Variants in LOXHD1 observed in about 807,000 individuals in gnomAD.
The protein encoded by LOXHD1 is lipoxygenase homology domain-containing protein 1.
Under a neutral mutation model 248.2 loss-of-function variants are expected in LOXHD1, and 205 were observed. The ratio of observed to expected loss-of-function variants is 0.83; its 90% CI spans 0.74 to 0.93. The LOEUF (loss-of-function observed/expected upper bound fraction) is 0.93. Among genes scored for constraint, LOXHD1 ranks in the 40% least tolerant of loss-of-function variants. LOXHD1 has a pLI of 0.00. For missense variants in LOXHD1, 2,930 were observed against 2,971.6 expected (o/e 0.99, Z 0.33); for synonymous variants, 1,113 against 1,162.8 (o/e 0.96, Z 0.87).
Position 46,538,344 on chromosome 18 carries a change from G to T in LOXHD1, c.3914-7C>A. On this transcript the variant is annotated splice_polypyrimidine_tract_variant and splice_region_variant and intron_variant, in intron 25 of 40. Transcript: ENST00000642948. ...GTGATCTCGTAAGGAACAACTGAGGGTGGTGGTCAGAGGGCAAAGCCAGAG... is the reference window on the plus strand; with the variant it reads ...GTGATCTCGTAAGGAACAACTGAGGTTGGTGGTCAGAGGGCAAAGCCAGAG... 6.5e-7 allele frequency: 1 copy of T among 1,543,012 alleles called. No homozygotes were observed. The highest frequency in any genetic ancestry group is 8.8e-7 in the Non-Finnish European group (1 of 1,139,570).
At chr18:46,636,367 G>T (rs947016185) in intron 4 of LOXHD1, among the ~76,000 whole-genome samples, 2 of 152,240 alleles carry the variant, frequency 1.3e-5, no homozygotes, top group Admixed American at 6.5e-5. Context: ...TACAGGTAGG[G>T]CAGGCTCCCT....
At position 46,629,343 on chromosome 18, in the gene LOXHD1, C is replaced by T. The variant is rs118140728; in HGVS notation, c.511+10273G>A. Among the ~76,000 whole-genome samples the T allele has an allele frequency of 4.2e-3, 633 of 152,318 alleles. 4 individuals carry two copies. Among genetic ancestry groups the T allele is most frequent in the Non-Finnish European group, 8.1e-3 (549 of 68,036 alleles). On this transcript the variant is annotated intron_variant, in intron 4 of 40. Coordinates refer to ENST00000642948, the MANE Select transcript of LOXHD1 (RefSeq NM_001384474.1). ...GATTTAATTACTCTACGATAATATC[C>T]TATAGAATCTGGGAATAAGTCAGTG...
intron 1 of LOXHD1, among the ~76,000 whole-genome samples, chr18:46,649,685 C>G (rs1396118891): frequency 6.6e-6 from 1 of 152,154 alleles, no homozygotes; most frequent in Non-Finnish European, 1.5e-5. Context: ...CAGCCCTCAC[C>G]TCCCATGACC....
intron 2 of LOXHD1, among the ~76,000 whole-genome samples, chr18:46,647,540 T>C (rs934032392): frequency 2.6e-5 from 4 of 152,310 alleles, no homozygotes; most frequent in Admixed American, 2.0e-4. Context: ...AGCAGTGCAC[T>C]CTGGGAACAC....
chr18:46,553,679 T>TA (rs2037200407), intron 21 of LOXHD1, among the ~76,000 whole-genome samples: 1 of 152,212 alleles, frequency 6.6e-6, no homozygotes, highest in South Asian at 2.1e-4. Context: ...ACATGGAACT[T>TA]ACATTCTATT....
chr18:46,504,303 G>A (rs1000855516), intron 37 of LOXHD1, among the ~76,000 whole-genome samples: 6 of 152,148 alleles, frequency 3.9e-5, no homozygotes, highest in Admixed American at 1.3e-4. Context: ...ATGGAGTTTC[G>A]CCATGTTGCC....
In LOXHD1 at chr18:46,479,519, C is replaced by T. The variant is rs749910021; in HGVS notation, c.6342-1567G>A. On this transcript the variant is annotated intron_variant, in intron 40 of 40. Transcript: ENST00000642948. ...GGCATGGTCTGCCCCAGCCCTGCCA[C>T]CTACCATCTGTGTGACCTTGGACAA... Among the ~76,000 whole-genome samples, 140 of 152,208 alleles carry T rather than the reference C, an allele frequency of 9.2e-4. 1 individual carries two copies. The highest frequency in any genetic ancestry group is 4.0e-3 in the Admixed American group (61 of 15,302).
chr18:46,623,311 A>G (rs2038694263), intron 4 of LOXHD1, among the ~76,000 whole-genome samples: 1 of 152,176 alleles, frequency 6.6e-6, no homozygotes, highest in South Asian at 2.1e-4. Flanking sequence ...GAGACCAGCA[A>G]CCCTACCTTT....
intron 28 of LOXHD1, among the ~76,000 whole-genome samples, chr18:46,532,732 T>C (rs544282864): frequency 6.6e-6 from 1 of 152,314 alleles, no homozygotes; most frequent in Non-Finnish European, 1.5e-5. Flanking sequence ...CAGTTACATA[T>C]AAATCAAGAA....
intron 28 of LOXHD1, among the ~76,000 whole-genome samples, chr18:46,530,877 G>T (rs894172950): frequency 6.6e-6 from 1 of 152,020 alleles, no homozygotes; most frequent in African/African-American, 2.4e-5. Context: ...AGGCCTCCCA[G>T]GTTCCACCCA....
chr18:46,588,066 G>T (rs1023979787), intron 12 of LOXHD1, among the ~76,000 whole-genome samples: 2 of 152,186 alleles, frequency 1.3e-5, no homozygotes, highest in African/African-American at 4.8e-5. Context: ...TTTCCAGGAC[G>T]TCTTTACACA....
intron 37 of LOXHD1, among the ~76,000 whole-genome samples, chr18:46,493,714 G>A (rs1879039728): frequency 1.3e-5 from 2 of 152,206 alleles, no homozygotes; most frequent in African/African-American, 4.8e-5. Context: ...GCAGTGTGAG[G>A]TCTCAATCTT....
At chr18:46,577,178 A>G (rs970453529) in intron 14 of LOXHD1, among the ~76,000 whole-genome samples, 3 of 152,152 alleles carry the variant, frequency 2.0e-5, no homozygotes, top group Admixed American at 2.0e-4. Flanking sequence ...TCATTCTAAA[A>G]TCTCTCTATC....
intron 17 of LOXHD1, among the ~76,000 whole-genome samples, chr18:46,564,655 T>TGGGTA: frequency 6.6e-6 from 1 of 151,876 alleles, no homozygotes; most frequent in Non-Finnish European, 1.5e-5. Context: ...GGGGAAGAGG[T>TGGGTA]AGGTAAGGGA....
In LOXHD1 at chr18:46,569,451, G is replaced by A; in HGVS notation, c.2235C>T (p.Asn745=). ...TGGGAAGGAGACTTACATTTCCAATGTTCAGGGTCTCGAGGGTGAACTCAT... is the reference window on the plus strand; with the variant it reads ...TGGGAAGGAGACTTACATTTCCAATATTCAGGGTCTCGAGGGTGAACTCAT... The part of the protein sequence containing the change: ...RVDEFTLETL[N]IGNINRLVIG... Residue 745 remains asparagine (N), a synonymous_variant, in exon 16 of 41, where the codon AAC becomes AAT. Coordinates refer to ENST00000642948, the MANE Select transcript of LOXHD1 (RefSeq NM_001384474.1). The A allele has an allele frequency of 1.3e-6, 2 of 1,552,000 alleles. No individual in the cohort carries two copies. Among genetic ancestry groups the A allele is most frequent in the Non-Finnish European group, 1.7e-6 (2 of 1,146,942 alleles).
At chr18:46,633,089 A>G (rs2038847496) in intron 4 of LOXHD1, among the ~76,000 whole-genome samples, 1 of 152,230 alleles carries the variant, frequency 6.6e-6, no homozygotes. Flanking sequence ...AATATGGCCT[A>G]TGGTCACTGT....
At chr18:46,594,962 G>A (rs971895574) in intron 8 of LOXHD1, among the ~76,000 whole-genome samples, 2 of 152,058 alleles carry the variant, frequency 1.3e-5, no homozygotes, top group Non-Finnish European at 2.9e-5. Context: ...CATGGATTTT[G>A]AACACTCACA....
chr18:46,567,229 G>GAGA (rs1264573241), intron 16 of LOXHD1, among the ~76,000 whole-genome samples: 3 of 152,206 alleles, frequency 2.0e-5, no homozygotes, highest in African/African-American at 7.2e-5. Flanking sequence ...GATGGCCTTT[G>GAGA]AGAACCCTTC....
chr18:46,563,249 GT>G, intron 17 of LOXHD1, 24 bp from the exon 18 acceptor site: 1 of 1,473,136 alleles, frequency 6.8e-7, no homozygotes, highest in Non-Finnish European at 9.1e-7. Context: ...TGCAGAAGAA[GT>G]GGAACATTTA....
Sources: allele counts gnomAD v4.1 joint callset (sites outside exome capture counted in the v4.1 genomes callset), GRCh38; gene constraint gnomAD v4.1.1; transcripts MANE v1.5; gene names NCBI Gene and HGNC (gene_info 2026-07-23, HGNC 2026-07-21).